CIBAR2: variants seen among roughly 807,000 people sequenced by gnomAD.
CIBAR2 encodes CBY1-interacting BAR domain-containing protein 2.
In CIBAR2, 38 loss-of-function variants were observed where a neutral mutation model predicts 36.2. The observed-to-expected ratio is 1.05, with a 90% CI of 0.81 to 1.38. The LOEUF (loss-of-function observed/expected upper bound fraction) is 1.38. CIBAR2 is among the 40% of genes most tolerant of loss of function. The probability of loss-of-function intolerance (pLI) is 0.00; values close to 1 mark genes in which losing one functional copy is unlikely to be tolerated. For missense variants in CIBAR2, 481 were observed against 383.4 expected (o/e 1.25, Z -2.13); for synonymous variants, 182 against 149.5 (o/e 1.22, Z -1.58).
intron 5 of CIBAR2, among the ~76,000 whole-genome samples, chr16:85,106,121 A>G (rs1043021211): frequency 6.6e-6 from 1 of 152,196 alleles, no homozygotes; most frequent in Non-Finnish European, 1.5e-5. Flanking sequence ...TTGTCACTCA[A>G]ATAAATGGCT....
intron 6 of CIBAR2, 24 bp downstream of exon 6, chr16:85,105,303 C>T (rs930142211): frequency 1.3e-6 from 2 of 1,519,200 alleles, no homozygotes; most frequent in South Asian, 1.1e-5. Context: ...CAGGGCGCCT[C>T]CCATCCCGGC....
At chr16:85,106,732 G>C (rs1181208031) in intron 5 of CIBAR2, among the ~76,000 whole-genome samples, 1 of 152,212 alleles carries the variant, frequency 6.6e-6, no homozygotes, top group Non-Finnish European at 1.5e-5. Context: ...TGAACGGTGA[G>C]AGTCCGTCGT....
intron 6 of CIBAR2, 61 bp downstream of exon 6, chr16:85,105,266 G>A (rs558235018): frequency 2.9e-5 from 28 of 961,456 alleles, no homozygotes; most frequent in Middle Eastern, 2.9e-4. Flanking sequence ...GTGTACACAC[G>A]TGCATGCACA....
chr16:85,102,309 CAA>C lies in CIBAR2; in HGVS notation c.554_555del (p.Phe185CysfsTer4). ...LKDLQKFFCD[F>X]VTIEMVFHAK... Reference sequence around the variant, plus strand: ...GCATGGAAAACCATCTCAATAGTTACAAAGTCACAAAAAAATTTCTGTGGGGA... The same window carrying C: ...GCATGGAAAACCATCTCAATAGTTACAGTCACAAAAAAATTTCTGTGGGGA... On this transcript the variant is annotated frameshift_variant, in exon 7 of 9. Coordinates refer to ENST00000539556, the MANE Select transcript of CIBAR2 (RefSeq NM_198491.3). LOFTEE classifies it high-confidence loss of function. 2 of 1,611,562 alleles carry C rather than the reference CAA, an allele frequency of 1.2e-6. No homozygotes were observed. Among genetic ancestry groups the C allele is most frequent in the Non-Finnish European group, 1.7e-6 (2 of 1,177,816 alleles).
intron 5 of CIBAR2, among the ~76,000 whole-genome samples, chr16:85,107,303 A>G (rs1038975353): frequency 1.3e-5 from 2 of 152,118 alleles, no homozygotes; most frequent in African/African-American, 2.4e-5. Flanking sequence ...GACAGACAGC[A>G]TGCGGGGTCC....
chr16:85,107,299 C>G (rs933336542), intron 5 of CIBAR2, among the ~76,000 whole-genome samples: 2 of 152,158 alleles, frequency 1.3e-5, no homozygotes, highest in African/African-American at 2.4e-5. Flanking sequence ...GTAAGACAGA[C>G]AGCATGCGGG....
rs936647844 is a variant in CIBAR2, at chr16:85,105,387, G to C, written c.477C>G (p.Thr159=). 10 of 1,613,742 alleles carry C rather than the reference G, an allele frequency of 6.2e-6. No homozygotes were observed. In the African/African-American group the frequency reaches 1.3e-4, roughly 22 times the overall value. Residue 159 remains threonine (T), a synonymous_variant, in exon 6 of 9, where the codon ACC becomes ACG. Coordinates refer to ENST00000539556, the MANE Select transcript of CIBAR2 (RefSeq NM_198491.3). ...VQRAAVDSSR[T]TLQLEETVDG... ...CCACAGTCTCCTCCAGCTGGAGGGT[G>C]GTGCGGCTGGAGTCCACAGCGGCCC...
chr16:85,100,378 G>A lies in CIBAR2; in HGVS notation c.652-138C>T, dbSNP rs1216600378. 3 of 562,916 alleles carry A rather than the reference G, an allele frequency of 5.3e-6. No individual in the cohort carries two copies. In the East Asian group the frequency reaches 9.2e-5, roughly 17 times the overall value. 34.9% of individuals were successfully genotyped at this position (562,916 alleles called of 1,614,324 possible). A position where few individuals can be genotyped will look rare whatever the true frequency, so the allele number is the denominator to read the frequency against. On this transcript the variant is annotated intron_variant, in intron 7 of 8. Transcript: ENST00000539556. ...TGGAACTCCACGGTCCTCTCCAGGA[G>A]CTTCCTGTTTCTTATTTCACATAAT...
intron 6 of CIBAR2, 69 bp from the exon 7 acceptor site, chr16:85,102,396 A>G: frequency 3.2e-6 from 3 of 939,920 alleles, no homozygotes; most frequent in Non-Finnish European, 5.3e-6. Flanking sequence ...CCTGGGATGC[A>G]GGCAGATGGG....
chr16:85,103,970 C>T (rs2073975242), intron 6 of CIBAR2, among the ~76,000 whole-genome samples: 1 of 152,254 alleles, frequency 6.6e-6, no homozygotes, highest in South Asian at 2.1e-4. Context: ...GCTCAGGGAC[C>T]TTGTATGTTG....
chr16:85,111,247 C>T (rs2074040475), intron 1 of CIBAR2, among the ~76,000 whole-genome samples: 1 of 152,198 alleles, frequency 6.6e-6, no homozygotes, highest in Admixed American at 6.5e-5. Flanking sequence ...AGGAGCAGCC[C>T]TCTGTCCCGA....
chr16:85,100,061 C>T (rs2073942930), intron 8 of CIBAR2, 78 bp downstream of exon 8: 1 of 1,133,942 alleles, frequency 8.8e-7, no homozygotes, highest in African/African-American at 1.5e-5. Context: ...CTCCTCTAAT[C>T]CCTGGGGTTA....
chr16:85,099,605 G>C (rs1274903222), intron 8 of CIBAR2, among the ~76,000 whole-genome samples: 1 of 151,284 alleles, frequency 6.6e-6, no homozygotes, highest in African/African-American at 2.4e-5. Context: ...ACTGGGTGAC[G>C]TGGCTTCATT....
Position 85,112,433 on chromosome 16 carries a change from G to C in CIBAR2, c.-81C>G, listed in dbSNP as rs9940839. 92,454 of 1,416,650 alleles carry C rather than the reference G, an allele frequency of 0.065. 4,823 individuals are homozygous for C. The highest frequency in any genetic ancestry group is 0.27 in the African/African-American group (18,910 of 70,866). 87.8% of individuals were successfully genotyped at this position (1,416,650 alleles called of 1,614,324 possible). ...GTCCTGCAGGCCTGGGAGGAGCCGG[G>C]CAGGGCTGGGTGCAGCTGTGTGGCC... On this transcript the variant is annotated 5_prime_UTR_variant, in exon 1 of 9. Transcript: ENST00000539556.
At chr16:85,107,235 C>G (rs143559347) in intron 5 of CIBAR2, among the ~76,000 whole-genome samples, 150 of 152,268 alleles carry the variant, frequency 9.9e-4, no homozygotes, top group African/African-American at 3.5e-3. Flanking sequence ...ACTAGCCCTC[C>G]TCCAGCTCTC....
At chr16:85,107,005 G>C (rs2074000969) in intron 5 of CIBAR2, among the ~76,000 whole-genome samples, 1 of 152,110 alleles carries the variant, frequency 6.6e-6, no homozygotes. Flanking sequence ...AATTAGCCAG[G>C]CACAGTGGTG....
chr16:85,106,257 G>A (rs2073995064), intron 5 of CIBAR2, among the ~76,000 whole-genome samples: 1 of 152,106 alleles, frequency 6.6e-6, no homozygotes, highest in African/African-American at 2.4e-5. Context: ...GGGCCCTGTG[G>A]GAGGTTTAGC....
chr16:85,101,518 C>T (rs1421208750), intron 7 of CIBAR2, among the ~76,000 whole-genome samples: 1 of 152,122 alleles, frequency 6.6e-6, no homozygotes, highest in African/African-American at 2.4e-5. Flanking sequence ...CAATACTAGG[C>T]TTGCGGAAGG....
intron 6 of CIBAR2, among the ~76,000 whole-genome samples, chr16:85,104,526 G>A (rs1290868763): frequency 3.3e-5 from 5 of 152,114 alleles, no homozygotes. Flanking sequence ...TGGCCAACAT[G>A]GTGAGACCAC....
Sources: gnomAD v4.1 joint callset for allele counts (sites outside exome capture counted in the v4.1 genomes callset) on GRCh38, gnomAD v4.1.1 for gene constraint, MANE v1.5 for transcripts, NCBI Gene and HGNC (gene_info 2026-07-23, HGNC 2026-07-21) for gene names.